SCEL: variants seen among roughly 807,000 people sequenced by gnomAD.
SCEL encodes the protein sciellin.
In SCEL, 113 loss-of-function variants were observed where a neutral mutation model predicts 117.6. The ratio of observed to expected loss-of-function variants is 0.96; its 90% CI spans 0.83 to 1.12. The LOEUF (loss-of-function observed/expected upper bound fraction) is 1.12, where lower values mean the gene tolerates loss of function less well. Among genes scored for constraint, SCEL ranks in the 50% most tolerant of loss-of-function variants. The pLI is 0.00. For synonymous variants in SCEL, 270 were observed against 256.2 expected, an observed-to-expected ratio of 1.05 and a Z score of -0.51; for missense variants, 785 against 810.8, an observed-to-expected ratio of 0.97 and a Z score of 0.39.
intron 10 of SCEL, among the ~76,000 whole-genome samples, chr13:77,589,597 T>C (rs1326310638): frequency 6.6e-6 from 1 of 152,172 alleles, no homozygotes; most frequent in Non-Finnish European, 1.5e-5. Context: ...ATGTATTTTT[T>C]GTTCATGTTT....
intron 4 of SCEL, among the ~76,000 whole-genome samples, chr13:77,560,805 G>T (rs1159716711): frequency 6.6e-6 from 1 of 152,172 alleles, no homozygotes; most frequent in African/African-American, 2.4e-5. Flanking sequence ...TGGTCTAGTA[G>T]CTTGTGTCTG....
intron 23 of SCEL, among the ~76,000 whole-genome samples, chr13:77,613,571 G>A (rs1379041514): frequency 6.6e-6 from 1 of 152,088 alleles, no homozygotes; most frequent in African/African-American, 2.4e-5. Context: ...GGAAAGGAGT[G>A]TGGAGTTTGG....
intron 9 of SCEL, among the ~76,000 whole-genome samples, chr13:77,574,388 G>A (rs960841685): frequency 1.3e-5 from 2 of 152,192 alleles, no homozygotes; most frequent in African/African-American, 4.8e-5. Context: ...AAGGGAAAGA[G>A]GAGATTATTA....
intron 9 of SCEL, among the ~76,000 whole-genome samples, chr13:77,578,097 A>G (rs2086057647): frequency 6.6e-6 from 1 of 152,180 alleles, no homozygotes; most frequent in African/African-American, 2.4e-5. Context: ...ACCCACACTT[A>G]AAACATCAAA....
At chr13:77,619,994 A>G (rs1392958461) in intron 27 of SCEL, among the ~76,000 whole-genome samples, 2 of 152,146 alleles carry the variant, frequency 1.3e-5, no homozygotes, top group Non-Finnish European at 2.9e-5. Context: ...GTTAGTTTGT[A>G]TTTCAGCAAC....
chr13:77,559,389 C>T (rs146348640), intron 3 of SCEL, among the ~76,000 whole-genome samples: 4 of 152,210 alleles, frequency 2.6e-5, no homozygotes, highest in South Asian at 4.1e-4. Flanking sequence ...CATACCCAGA[C>T]GTAATGGGCT....
intron 30 of SCEL, among the ~76,000 whole-genome samples, chr13:77,639,549 G>A (rs546419318): frequency 6.6e-6 from 1 of 152,292 alleles, no homozygotes; most frequent in Admixed American, 6.5e-5. Context: ...GAGCGCATCA[G>A]ATCTTTGGAC....
chr13:77,634,955 C>T (rs1411894777), intron 29 of SCEL, among the ~76,000 whole-genome samples: 1 of 152,102 alleles, frequency 6.6e-6, no homozygotes, highest in Non-Finnish European at 1.5e-5. Context: ...AAACCAAGGT[C>T]AGGGCTCAAT....
intron 30 of SCEL, among the ~76,000 whole-genome samples, chr13:77,638,611 G>A (rs918236257): frequency 3.3e-5 from 5 of 152,132 alleles, no homozygotes; most frequent in Non-Finnish European, 7.4e-5. Flanking sequence ...TTCTCCATGA[G>A]ACCAGTCAGT....
chr13:77,560,556 C>T (rs1196773576), intron 4 of SCEL, among the ~76,000 whole-genome samples: 1 of 152,186 alleles, frequency 6.6e-6, no homozygotes, highest in Non-Finnish European at 1.5e-5. Flanking sequence ...GGGACAGTAC[C>T]TTTCTTTTTG....
At chr13:77,629,879 T>A (rs1454633549) in intron 28 of SCEL, among the ~76,000 whole-genome samples, 1 of 152,196 alleles carries the variant, frequency 6.6e-6, no homozygotes, top group Non-Finnish European at 1.5e-5. Flanking sequence ...TCTTAACCTC[T>A]TGAGCATGCA....
intron 4 of SCEL, 35 bp from the exon 5 acceptor site, chr13:77,563,796 G>T (rs117031225): frequency 0.023 from 30,139 of 1,334,370 alleles, 382 homozygotes; most frequent in Non-Finnish European, 0.027. Context: ...TAATTGATTT[G>T]ATTTTTTTTT....
At chr13:77,545,516 A>G (rs556284839) in intron 1 of SCEL, among the ~76,000 whole-genome samples, 4 of 152,354 alleles carry the variant, frequency 2.6e-5, no homozygotes, top group South Asian at 2.1e-4. Flanking sequence ...AACTATTTCT[A>G]AAAAGAAATA....
intron 9 of SCEL, among the ~76,000 whole-genome samples, chr13:77,577,513 C>T (rs1329035265): frequency 6.6e-6 from 1 of 152,126 alleles, no homozygotes; most frequent in Non-Finnish European, 1.5e-5. Context: ...CTGGTCCCGC[C>T]CTTGACACAT....
At chr13:77,538,147 C>G (rs953352229) in intron 1 of SCEL, among the ~76,000 whole-genome samples, 2 of 145,784 alleles carry the variant, frequency 1.4e-5, no homozygotes, top group African/African-American at 5.1e-5. Context: ...AATGGAGTCT[C>G]GCTCTTTTCC....
intron 24 of SCEL, among the ~76,000 whole-genome samples, chr13:77,614,772 G>A (rs1799272580): frequency 6.6e-6 from 1 of 151,970 alleles, no homozygotes; most frequent in Admixed American, 6.6e-5. Flanking sequence ...ATTTGACCAG[G>A]GCCACAGAAA....
intron 14 of SCEL, 64 bp downstream of exon 14, chr13:77,599,452 A>C: frequency 7.4e-7 from 1 of 1,360,164 alleles, no homozygotes; most frequent in Non-Finnish European, 1.0e-6. Flanking sequence ...ATTCCCTCAG[A>C]CATTAGCTGC....
At chr13:77,589,082 A>G (rs2086721203) in intron 9 of SCEL, 62 bp from the exon 10 acceptor site, 2 of 1,222,920 alleles carry the variant, frequency 1.6e-6, no homozygotes, top group Admixed American at 1.8e-5. Flanking sequence ...GCATTCAGTT[A>G]ATAGATGCTA....
At position 77,613,954 on chromosome 13, in the gene SCEL, G is replaced by A. The variant is rs760412050; in HGVS notation, c.1450G>A (p.Gly484Arg). 1.9e-6 allele frequency: 3 copies of A among 1,611,782 alleles called. No homozygotes were observed. ...CCCCAAAGCTGTCAAAAACACTGAT[G>A]GGTAAGAGATGGATGTGATTTTTGT... ...VSPKAVKNTD[G>R]KQDLDKLIKV... The change falls in exon 24 of 33, where the codon GGA (glycine) becomes AGA (arginine). Residue 484 changes from glycine (G) to arginine (R), a missense_variant and splice_region_variant. Physicochemically the swap from Gly to Arg is moderately radical, Grantham distance 125. Transcript: ENST00000349847.
Sources: allele counts gnomAD v4.1 joint callset (sites outside exome capture counted in the v4.1 genomes callset), GRCh38; gene constraint gnomAD v4.1.1; transcripts MANE v1.5; gene names NCBI Gene and HGNC (gene_info 2026-07-23, HGNC 2026-07-21).